KCTD1: variants seen among roughly 807,000 people sequenced by gnomAD.
KCTD1 encodes potassium channel tetramerization domain containing 1.
Under a neutral mutation model 66.0 loss-of-function variants are expected in KCTD1, and 24 were observed. The observed-to-expected ratio is 0.36, with a 90% CI of 0.26 to 0.51. The LOEUF (loss-of-function observed/expected upper bound fraction) is 0.51. KCTD1 is among the 20% of genes least tolerant of loss of function. The pLI, the probability that KCTD1 is intolerant of heterozygous loss-of-function variation, is 0.95. For synonymous variants in KCTD1, 511 were observed against 517.2 expected (o/e 0.99, Z 0.16); for missense variants, 943 against 1,205.2 (o/e 0.78, Z 3.22).
intron 1 of KCTD1, among the ~76,000 whole-genome samples, chr18:26,529,628 G>GT (rs1360116535): frequency 2.6e-5 from 4 of 152,276 alleles, no homozygotes; most frequent in African/African-American, 9.6e-5. Flanking sequence ...AGAAAAACAG[G>GT]TAAGTTCATC....
intron 1 of KCTD1, among the ~76,000 whole-genome samples, chr18:26,627,269 TGTGTGTGTG>T (rs1408584435): frequency 1.2e-4 from 1 of 8,422 alleles, no homozygotes; most frequent in Non-Finnish European, 1.1e-3. Context: ...GTTTTGTGTG[TGTGTGTGTG>T]TGTGTGTGTG....
chr18:26,544,556 T>C (rs1282916269), intron 1 of KCTD1: 1 of 152,188 alleles, frequency 6.6e-6, no homozygotes. Flanking sequence ...GATTAAGTAA[T>C]AATGACTGAA....
intron 1 of KCTD1, among the ~76,000 whole-genome samples, chr18:26,655,061 T>C (rs1264862687): frequency 6.6e-6 from 1 of 152,252 alleles, no homozygotes; most frequent in Non-Finnish European, 1.5e-5. Context: ...GATTCCCATA[T>C]ATGTAGGTGA....
intron 3 of KCTD1, among the ~76,000 whole-genome samples, chr18:26,465,754 G>C (rs954298773): frequency 6.6e-6 from 1 of 152,188 alleles, no homozygotes; most frequent in African/African-American, 2.4e-5. Flanking sequence ...CACCACAGGA[G>C]CTAGGCCTGA....
At chr18:26,492,242 GA>G (rs202152098) in intron 2 of KCTD1, among the ~76,000 whole-genome samples, 2 of 149,700 alleles carry the variant, frequency 1.3e-5, no homozygotes, top group East Asian at 2.0e-4. Flanking sequence ...ACCCTATCTG[GA>G]AAAAAAAAAT....
intron 1 of KCTD1, among the ~76,000 whole-genome samples, chr18:26,556,513 A>G (rs1415413141): frequency 6.6e-6 from 1 of 152,218 alleles, no homozygotes; most frequent in African/African-American, 2.4e-5. Context: ...AAAGCACAAA[A>G]CAAAAATGTG....
chr18:26,610,131 T>C (rs1302829451), intron 1 of KCTD1, among the ~76,000 whole-genome samples: 1 of 152,244 alleles, frequency 6.6e-6, no homozygotes, highest in African/African-American at 2.4e-5. Flanking sequence ...TCCCTATCTA[T>C]CTTGTAAGTC....
At chr18:26,573,286 G>T (rs543528186) in intron 1 of KCTD1, among the ~76,000 whole-genome samples, 1 of 152,108 alleles carries the variant, frequency 6.6e-6, no homozygotes, top group South Asian at 2.1e-4. Flanking sequence ...ATTGTTTAAT[G>T]GATACAGGGT....
At chr18:26,625,923 T>C (rs527976002) in intron 1 of KCTD1, among the ~76,000 whole-genome samples, 1 of 152,134 alleles carries the variant, frequency 6.6e-6, no homozygotes, top group Non-Finnish European at 1.5e-5. Context: ...GGAGAGAGCA[T>C]GCAGAGTGGC....
At position 26,455,860 on chromosome 18, in the gene KCTD1, G is replaced by T. The variant is rs147722648; in HGVS notation, c.2481C>A (p.Gly827=). ...RLQQRGFEIV[G]SCGGGVDSSQ... is the part of the protein sequence containing the mutation. Reference sequence around the variant, plus strand: ...ACGAGTCTACTCCTCCCCCACAGGAGCCCACGATTTCAAATCCTCTTTGCT... The same window carrying T: ...ACGAGTCTACTCCTCCCCCACAGGATCCCACGATTTCAAATCCTCTTTGCT... The change falls in exon 5 of 5, where the codon GGC becomes GGA. Residue 827 remains glycine, a synonymous_variant. Transcript: ENST00000580059. 5 of 1,614,038 alleles carry T rather than the reference G, an allele frequency of 3.1e-6. No homozygotes were observed. The highest frequency in any genetic ancestry group is 4.2e-6 in the Non-Finnish European group (5 of 1,180,014).
chr18:26,628,818 A>T (rs1242045916), intron 1 of KCTD1, among the ~76,000 whole-genome samples: 3 of 152,252 alleles, frequency 2.0e-5, no homozygotes. Context: ...CCTCTCAACC[A>T]GAACTGCAGA....
chr18:26,574,301 G>C (rs973911553), intron 1 of KCTD1, among the ~76,000 whole-genome samples: 1 of 152,330 alleles, frequency 6.6e-6, no homozygotes, highest in African/African-American at 2.4e-5. Flanking sequence ...GCTGATGTCA[G>C]ATATTTGTTC....
chr18:26,555,002 G>A (rs953306505), intron 1 of KCTD1, among the ~76,000 whole-genome samples: 1 of 152,240 alleles, frequency 6.6e-6, no homozygotes, highest in Non-Finnish European at 1.5e-5. Flanking sequence ...AAAGGTATGT[G>A]GGATTAAAGT....
intron 1 of KCTD1, among the ~76,000 whole-genome samples, chr18:26,560,762 A>T (rs1297138076): frequency 6.6e-6 from 1 of 152,262 alleles, no homozygotes; most frequent in African/African-American, 2.4e-5. Context: ...TCAACATCTT[A>T]AAGGAGTCTG....
intron 4 of KCTD1, 186 bp from the exon 5 acceptor site, chr18:26,456,087 A>G (rs1980073341): frequency 3.5e-6 from 2 of 567,326 alleles, no homozygotes; most frequent in South Asian, 2.6e-5. Context: ...AGCATTTCTA[A>G]TGCCTAAAAT....
chr18:26,616,700 A>AC (rs34215838), intron 1 of KCTD1, among the ~76,000 whole-genome samples: 120,544 of 150,656 alleles, frequency 0.8, 48,372 homozygotes, highest in East Asian at 0.95. Context: ...AAAAAAAAAA[A>AC]ATTTGTAGAG....
chr18:26,656,266 A>G (rs1425465974), intron 1 of KCTD1, among the ~76,000 whole-genome samples: 1 of 151,956 alleles, frequency 6.6e-6, no homozygotes, highest in Non-Finnish European at 1.5e-5. Context: ...CGAGCGCAGC[A>G]AAGCCACAGC....
chr18:26,618,664 G>C (rs57964457), intron 1 of KCTD1, among the ~76,000 whole-genome samples: 1 of 152,176 alleles, frequency 6.6e-6, no homozygotes, highest in Non-Finnish European at 1.5e-5. Context: ...AATCCAATTA[G>C]TTTCAACCAT....
chr18:26,473,828 G>A (rs1211724933), intron 3 of KCTD1, among the ~76,000 whole-genome samples: 7 of 152,252 alleles, frequency 4.6e-5, no homozygotes, highest in African/African-American at 1.7e-4. Context: ...CCAGGGCTGC[G>A]GGAAGCTCAT....
Sources: allele counts gnomAD v4.1 joint callset (sites outside exome capture counted in the v4.1 genomes callset), GRCh38; gene constraint gnomAD v4.1.1; transcripts MANE v1.5; gene names NCBI Gene and HGNC (gene_info 2026-07-23, HGNC 2026-07-21).